The following RAB3B variants were observed in gnomAD, a reference collection of about 807,000 sequenced individuals.
RAB3B encodes ras-related protein Rab-3B.
RAB3B carries 11 observed loss-of-function variants against 20.5 expected under a neutral mutation model. The observed-to-expected ratio is 0.54, with a 90% CI of 0.34 to 0.89. The LOEUF is 0.89. Ranked by LOEUF, RAB3B falls within the 40% of genes least tolerant of loss-of-function variation. The pLI is 0.02. For synonymous variants in RAB3B, 99 were observed against 106.3 expected (o/e 0.93, Z 0.42); for missense variants, 225 against 280.9 (o/e 0.80, Z 1.42).
intron 2 of RAB3B, among the ~76,000 whole-genome samples, chr1:51,940,707 A>C (rs1684481254): frequency 6.6e-6 from 1 of 152,120 alleles, no homozygotes; most frequent in Non-Finnish European, 1.5e-5. Context: ...CAAAGTGGAG[A>C]TAATATATCC....
intron 2 of RAB3B, among the ~76,000 whole-genome samples, chr1:51,970,841 TAAA>T (rs1366035224): frequency 6.8e-6 from 1 of 147,840 alleles, no homozygotes; most frequent in Non-Finnish European, 1.5e-5. Context: ...CCGTCTCTAC[TAAA>T]AATACAAAAA....
rs941867138 is a variant in RAB3B, at chr1:51,919,424, G to T, written c.*503C>A. The T allele has an allele frequency of 6.5e-6, 1 of 152,860 alleles. No individual in the cohort carries two copies. Among genetic ancestry groups the T allele is most frequent in the African/African-American group, 2.4e-5 (1 of 41,482 alleles). The allele number at this position is 152,860 out of a possible 1,614,324, so 9.5% of individuals were successfully genotyped here. On this transcript the variant is annotated 3_prime_UTR_variant, in exon 5 of 5. Transcript: ENST00000371655. ...GTGGGCATCCGTGGTAACAGGCGCA[G>T]GGCTTTGAGAGCCCAAGCTTGACTT...
At chr1:51,950,061 A>T (rs1684617826) in intron 2 of RAB3B, among the ~76,000 whole-genome samples, 1 of 152,178 alleles carries the variant, frequency 6.6e-6, no homozygotes, top group African/African-American at 2.4e-5. Flanking sequence ...AGTCTGGGGT[A>T]TTTTTAGGCA....
intron 2 of RAB3B, among the ~76,000 whole-genome samples, chr1:51,961,986 G>A (rs537618246): frequency 2.0e-4 from 31 of 152,186 alleles, no homozygotes; most frequent in African/African-American, 6.0e-4. Context: ...TGGCAAGGCC[G>A]GTCTCAAACA....
At chr1:51,970,730 G>A (rs183617994) in intron 2 of RAB3B, among the ~76,000 whole-genome samples, 1 of 151,878 alleles carries the variant, frequency 6.6e-6, no homozygotes, top group East Asian at 1.9e-4. Flanking sequence ...CAGTGGCTGG[G>A]CACGGTGGCT....
chr1:51,983,990 C>T (rs1056766281), intron 1 of RAB3B, among the ~76,000 whole-genome samples: 1 of 151,608 alleles, frequency 6.6e-6, no homozygotes, highest in African/African-American at 2.4e-5. Flanking sequence ...AAGGGCTGGG[C>T]GCGGTGGCTC....
At chr1:51,980,382 T>C (rs758362061) in intron 1 of RAB3B, 82 of 378,262 alleles carry the variant, frequency 2.2e-4, no homozygotes, top group Non-Finnish European at 3.4e-4. Flanking sequence ...AAACCATGAT[T>C]GTGCCACTGC....
chr1:51,989,749 T>A (rs1016053813), intron 1 of RAB3B, among the ~76,000 whole-genome samples: 1 of 151,168 alleles, frequency 6.6e-6, no homozygotes, highest in African/African-American at 2.4e-5. Context: ...TGCAGCAGGG[T>A]AGACCCAACC....
Position 51,937,336 on chromosome 1 carries a change from T to A in RAB3B, c.305A>T (p.Tyr102Phe), listed in dbSNP as rs754296883. ...YRGAMGFILM[Y>F]DITNEESFNA... is the part of the protein sequence containing the mutation. ...GAAGGACTCTTCATTGGTGATGTCA[T>A]ACATCAGAATGAAGCCCATGGCCCC... The change falls in exon 3 of 5, where the codon TAT becomes TTT. Residue 102 changes from tyrosine to phenylalanine, a missense_variant. Physicochemically the swap from Tyr to Phe is conservative, Grantham distance 22. Transcript: ENST00000371655. 7 of 1,613,164 alleles carry A rather than the reference T, an allele frequency of 4.3e-6. No homozygotes were observed. The highest frequency in any genetic ancestry group is 5.9e-6 in the Non-Finnish European group (7 of 1,179,352).
chr1:51,948,033 T>C (rs1331814692), intron 2 of RAB3B, among the ~76,000 whole-genome samples: 1 of 152,224 alleles, frequency 6.6e-6, no homozygotes, highest in Non-Finnish European at 1.5e-5. Flanking sequence ...AGAATAAATC[T>C]AATTCTTTAC....
At position 51,973,937 on chromosome 1, in the gene RAB3B, G is replaced by A. The variant is rs1218886957; in HGVS notation, c.228+2953C>T. On this transcript the variant is annotated intron_variant, in intron 2 of 4. Coordinates refer to ENST00000371655, the MANE Select transcript of RAB3B (RefSeq NM_002867.4). ...CTGTCAATCCACATAGTAAATATCA[G>A]TAAAAAATATCTTATGTTCAAAGAT... is the stretch of plus-strand genomic sequence containing the variant. Among the ~76,000 whole-genome samples the A allele has an allele frequency of 2.0e-5, 3 of 152,168 alleles. No individual in the cohort carries two copies. The East Asian group carries it at 5.8e-4, about 29-fold the overall frequency.
intron 1 of RAB3B, among the ~76,000 whole-genome samples, chr1:51,984,117 C>T (rs1364929994): frequency 3.3e-5 from 5 of 150,730 alleles, no homozygotes; most frequent in East Asian, 4.0e-4. Context: ...ACAAAAAATT[C>T]GCTGGGCGTG....
At chr1:51,925,443 G>A (rs550397270) in intron 4 of RAB3B, among the ~76,000 whole-genome samples, 84 of 152,204 alleles carry the variant, frequency 5.5e-4, no homozygotes, top group African/African-American at 1.9e-3. Context: ...ACTTGGATTT[G>A]TGTCACTGGA....
intron 2 of RAB3B, among the ~76,000 whole-genome samples, chr1:51,950,189 C>T (rs763247339): frequency 6.6e-6 from 1 of 152,224 alleles, no homozygotes; most frequent in Admixed American, 6.5e-5. Context: ...AACACAAGTT[C>T]TCACTCTGGG....
intron 1 of RAB3B, among the ~76,000 whole-genome samples, chr1:51,982,333 A>T (rs907216555): frequency 1.3e-5 from 2 of 152,222 alleles, no homozygotes; most frequent in Non-Finnish European, 2.9e-5. Context: ...GGATCGCTCA[A>T]GCCAAGGAGT....
rs1684070057 is a variant in RAB3B at position 51,915,469 on chromosome 1, A to G, written c.*4458T>C. 1 of 152,150 alleles carries G rather than the reference A, an allele frequency of 6.6e-6. No homozygotes were observed. Among genetic ancestry groups the G allele is most frequent in the Admixed American group, 6.5e-5 (1 of 15,280 alleles). 9.4% of individuals were successfully genotyped at this position (152,150 alleles called of 1,614,324 possible). ...ACAGATCTTCTCTAAGCTCCTTTCC[A>G]GATCTGATAATCGATGAGTCTGTGA... On this transcript the variant is annotated 3_prime_UTR_variant, in exon 5 of 5. Transcript: ENST00000371655.
intron 2 of RAB3B, among the ~76,000 whole-genome samples, chr1:51,965,846 AT>A (rs1441336638): frequency 6.6e-6 from 1 of 152,226 alleles, no homozygotes; most frequent in Non-Finnish European, 1.5e-5. Flanking sequence ...TGACAAATGT[AT>A]CATGGTTATA....
At chr1:51,927,740 T>C (rs538993340) in intron 4 of RAB3B, among the ~76,000 whole-genome samples, 4 of 152,002 alleles carry the variant, frequency 2.6e-5, no homozygotes, top group Admixed American at 6.6e-5. Context: ...TAGGTGAAGG[T>C]TGCAGTGAGC....
intron 4 of RAB3B, among the ~76,000 whole-genome samples, chr1:51,932,436 C>A (rs769769547): frequency 2.0e-5 from 3 of 152,174 alleles, no homozygotes; most frequent in African/African-American, 4.8e-5. Context: ...AAAAGCTCTT[C>A]TTTTAAGCAA....
Sources: gnomAD v4.1 joint callset for allele counts (sites outside exome capture counted in the v4.1 genomes callset) on GRCh38, gnomAD v4.1.1 for gene constraint, MANE v1.5 for transcripts, NCBI Gene and HGNC (gene_info 2026-07-23, HGNC 2026-07-21) for gene names.